COL22A1: variants seen among roughly 807,000 people sequenced by gnomAD.
The protein encoded by COL22A1 is collagen alpha-1(XXII) chain.
In COL22A1, 221 loss-of-function variants were observed where a neutral mutation model predicts 248.9. That is an observed-to-expected ratio of 0.89 (90% CI 0.80 to 0.99). The LOEUF is 0.99. Ranked by LOEUF, COL22A1 falls within the 50% of genes least tolerant of loss-of-function variation. The pLI is 0.00. For missense variants in COL22A1, 2,240 were observed against 2,179.0 expected (o/e 1.03, Z -0.56); for synonymous variants, 891 against 793.4 (o/e 1.12, Z -2.07).
intron 32 of COL22A1, among the ~76,000 whole-genome samples, chr8:138,697,533 C>G (rs1827607966): frequency 6.6e-6 from 1 of 152,204 alleles, no homozygotes; most frequent in African/African-American, 2.4e-5. Flanking sequence ...CACCATCAAA[C>G]AGCCTGCTCT....
At chr8:138,827,870 C>A (rs1819721339) in intron 5 of COL22A1, among the ~76,000 whole-genome samples, 1 of 151,902 alleles carries the variant, frequency 6.6e-6, no homozygotes, top group South Asian at 2.1e-4. Context: ...CCACCCCCAC[C>A]AACATGCAGC....
At chr8:138,694,727 G>C (rs1205971879) in intron 33 of COL22A1, 99 bp downstream of exon 33, 3 of 1,442,182 alleles carry the variant, frequency 2.1e-6, no homozygotes, top group Admixed American at 3.6e-5. Context: ...GTGGCTCCTG[G>C]GTGTGGAATG....
chr8:138,749,966 AG>A (rs1832454028), intron 22 of COL22A1, among the ~76,000 whole-genome samples: 1 of 152,184 alleles, frequency 6.6e-6, no homozygotes, highest in Admixed American at 6.5e-5. Context: ...ACACTGTGGG[AG>A]GAACCCGGTG....
intron 30 of COL22A1, among the ~76,000 whole-genome samples, chr8:138,703,930 ACTGTGCTTTTCC>A: frequency 6.6e-6 from 1 of 152,262 alleles, no homozygotes; most frequent in African/African-American, 2.4e-5. Context: ...CCACCCTAAT[ACTGTGCTTTTCC>A]AACAGTCTTA....
chr8:138,889,303 G>C (rs1010448460), intron 1 of COL22A1, among the ~76,000 whole-genome samples: 2 of 152,102 alleles, frequency 1.3e-5, no homozygotes, highest in African/African-American at 4.8e-5. Context: ...CCAAAGACTT[G>C]GAACCAACCC....
chr8:138,808,835 G>A (rs1364951803), intron 9 of COL22A1, among the ~76,000 whole-genome samples: 3 of 152,190 alleles, frequency 2.0e-5, no homozygotes, highest in Non-Finnish European at 4.4e-5. Context: ...ATAATTTTTT[G>A]TGTGTTTCTC....
At position 138,713,927 on chromosome 8, in the gene COL22A1, G is replaced by C. The variant is rs902215074; in HGVS notation, c.2517+1755C>G. Among the ~76,000 whole-genome samples, 83 of 152,144 alleles carry C rather than the reference G, an allele frequency of 5.5e-4. 1 individual carries two copies. Among genetic ancestry groups the C allele is most frequent in the Non-Finnish European group, 1.5e-4 (10 of 68,024 alleles). ...AGTGGGGGCTGCTCTTCTAAGAAGGGGCTGGGACCAGGGATCCAAGTCCTT... is the reference window on the plus strand; with the variant it reads ...AGTGGGGGCTGCTCTTCTAAGAAGGCGCTGGGACCAGGGATCCAAGTCCTT... On this transcript the variant is annotated intron_variant, in intron 30 of 64. Transcript: ENST00000303045.
Position 138,616,893 on chromosome 8 carries a change from C to T in COL22A1, c.3870+21G>A, listed in dbSNP as rs765063012. The T allele has an allele frequency of 1.6e-5, 26 of 1,614,004 alleles. 2 individuals carry two copies. In the South Asian group the frequency reaches 2.6e-4, roughly 16 times the overall value. ...AGCTCTGCCCACCTGGGGGGACCTCCAAAGTGAGGCGCCCACTTACCCGGG... is the reference window on the plus strand; with the variant it reads ...AGCTCTGCCCACCTGGGGGGACCTCTAAAGTGAGGCGCCCACTTACCCGGG... On this transcript the variant is annotated intron_variant, in intron 54 of 64. Transcript: ENST00000303045.
intron 14 of COL22A1, 45 bp downstream of exon 14, chr8:138,779,464 G>A: frequency 1.4e-6 from 2 of 1,457,628 alleles, no homozygotes; most frequent in Non-Finnish European, 1.9e-6. Context: ...ACTGGGCCTT[G>A]TCCCCTGGGA....
At chr8:138,789,145 GA>G in intron 12 of COL22A1, among the ~76,000 whole-genome samples, 1 of 152,338 alleles carries the variant, frequency 6.6e-6, no homozygotes, top group African/African-American at 2.4e-5. Context: ...AGCTAGAGGA[GA>G]AATGCAGATT....
At chr8:138,856,847 A>G (rs559295486) in intron 3 of COL22A1, among the ~76,000 whole-genome samples, 3 of 152,260 alleles carry the variant, frequency 2.0e-5, no homozygotes, top group East Asian at 3.9e-4. Flanking sequence ...CTGACAAGGA[A>G]GAGGGCCCCA....
At chr8:138,881,443 T>C (rs1384377657) in intron 2 of COL22A1, among the ~76,000 whole-genome samples, 1 of 152,124 alleles carries the variant, frequency 6.6e-6, no homozygotes, top group African/African-American at 2.4e-5. Context: ...CCCAGCACTT[T>C]GGGAGGCCGA....
chr8:138,844,757 T>C (rs1045052097), intron 3 of COL22A1, among the ~76,000 whole-genome samples: 1 of 152,020 alleles, frequency 6.6e-6, no homozygotes, highest in African/African-American at 2.4e-5. Context: ...GAGATCATCC[T>C]GGCTAACACG....
chr8:138,739,918 T>C (rs953155346), intron 22 of COL22A1, among the ~76,000 whole-genome samples: 1 of 152,200 alleles, frequency 6.6e-6, no homozygotes, highest in Non-Finnish European at 1.5e-5. Context: ...AGTTTCTTGA[T>C]ACTTGCCAGG....
At chr8:138,679,591 A>T (rs1825809037) in intron 40 of COL22A1, 26 bp downstream of exon 40, 2 of 1,608,034 alleles carry the variant, frequency 1.2e-6, no homozygotes, top group African/African-American at 2.7e-5. Flanking sequence ...GTCTTTTTGC[A>T]AATGTTTGCA....
At chr8:138,757,046 T>C (rs1002058393) in intron 18 of COL22A1, among the ~76,000 whole-genome samples, 1 of 152,154 alleles carries the variant, frequency 6.6e-6, no homozygotes, top group African/African-American at 2.4e-5. Context: ...TGCACACACG[T>C]GCACACACAC....
chr8:138,598,402 C>T (rs1426500098), intron 61 of COL22A1, among the ~76,000 whole-genome samples: 1 of 152,210 alleles, frequency 6.6e-6, no homozygotes, highest in Non-Finnish European at 1.5e-5. Flanking sequence ...AAGAGTTCTA[C>T]AGCCCAAGAA....
In COL22A1 at chr8:138,878,084, G is replaced by A. The variant is rs1823886438; in HGVS notation, c.324C>T (p.Leu108=). Reference sequence around the variant, plus strand: ...TGTTGGTGTTGCCCCCGTGGTAGGCGAGACGCCGGGCAGCCGCCTTGACCT... The same window carrying A: ...TGTTGGTGTTGCCCCCGTGGTAGGCAAGACGCCGGGCAGCCGCCTTGACCT... ...QEEVKAAARR[L]AYHGGNTNTG... is the part of the protein sequence containing the mutation. Residue 108 remains leucine (L), a synonymous_variant, in exon 3 of 65, where the codon CTC becomes CTT. Transcript: ENST00000303045. 6.3e-7 allele frequency: 1 copy of A among 1,598,328 alleles called. No homozygotes were observed.
intron 51 of COL22A1, 37 bp from the exon 52 acceptor site, chr8:138,623,822 A>C (rs942072175): frequency 6.3e-7 from 1 of 1,587,998 alleles, no homozygotes; most frequent in Non-Finnish European, 8.6e-7. Flanking sequence ...CAGGTCAAAG[A>C]AGATTCGAGG....
Sources: gnomAD v4.1 joint callset for allele counts (sites outside exome capture counted in the v4.1 genomes callset) on GRCh38, gnomAD v4.1.1 for gene constraint, MANE v1.5 for transcripts, NCBI Gene and HGNC (gene_info 2026-07-23, HGNC 2026-07-21) for gene names.